COX7B2: variants seen among roughly 807,000 people sequenced by gnomAD.
COX7B2 encodes cytochrome c oxidase subunit 7B2, also known as cytochrome c oxidase subunit 7B2, mitochondrial.
For missense variants in COX7B2, 109 were observed against 95.9 expected, an observed-to-expected ratio of 1.14 and a Z score of -0.57; for synonymous variants, 37 against 32.1, an observed-to-expected ratio of 1.15 and a Z score of -0.51.
chr4:46,817,276 T>C (rs1467748662), intron 2 of COX7B2, among the ~76,000 whole-genome samples: 1 of 152,230 alleles, frequency 6.6e-6, no homozygotes, highest in Non-Finnish European at 1.5e-5. Context: ...CTAAGTTATT[T>C]GCATAAATTA....
chr4:46,843,517 AT>A (rs1328001329), intron 2 of COX7B2, among the ~76,000 whole-genome samples: 1 of 151,934 alleles, frequency 6.6e-6, no homozygotes, highest in Non-Finnish European at 1.5e-5. Context: ...CATTGCTCTG[AT>A]TTTTTTAATC....
chr4:46,767,945 G>A (rs1187159344), intron 2 of COX7B2, among the ~76,000 whole-genome samples: 2 of 152,246 alleles, frequency 1.3e-5, no homozygotes, highest in Non-Finnish European at 2.9e-5. Context: ...GGGGGAGCAT[G>A]CAGGTGAGCA....
intron 2 of COX7B2, among the ~76,000 whole-genome samples, chr4:46,796,989 G>A (rs1236629213): frequency 2.4e-5 from 2 of 82,406 alleles, no homozygotes; most frequent in African/African-American, 6.0e-5. Flanking sequence ...TATACCTAAT[G>A]CTAGATGACA....
At chr4:46,753,234 G>C (rs1715515238) in intron 2 of COX7B2, among the ~76,000 whole-genome samples, 1 of 152,072 alleles carries the variant, frequency 6.6e-6, no homozygotes, top group Non-Finnish European at 1.5e-5. Flanking sequence ...TCTGATGGTA[G>C]TTTGTATTTC....
intron 2 of COX7B2, among the ~76,000 whole-genome samples, chr4:46,812,247 G>A (rs1308656154): frequency 6.6e-6 from 1 of 152,064 alleles, no homozygotes; most frequent in African/African-American, 2.4e-5. Flanking sequence ...ACAAGAGAAT[G>A]CAATTCTCCC....
intron 2 of COX7B2, among the ~76,000 whole-genome samples, chr4:46,842,684 G>A (rs1335658816): frequency 2.0e-5 from 3 of 151,954 alleles, no homozygotes; most frequent in African/African-American, 4.8e-5. Context: ...AGTTTGCTGA[G>A]AATGATGGTT....
chr4:46,783,075 A>C (rs1428668762), intron 2 of COX7B2, among the ~76,000 whole-genome samples: 3 of 152,258 alleles, frequency 2.0e-5, no homozygotes, highest in Non-Finnish European at 4.4e-5. Flanking sequence ...ATTCTAAATG[A>C]AACTCCACTA....
At chr4:46,885,592 A>T (rs1247868652) in intron 1 of COX7B2, among the ~76,000 whole-genome samples, 1 of 152,152 alleles carries the variant, frequency 6.6e-6, no homozygotes, top group Non-Finnish European at 1.5e-5. Flanking sequence ...TCCATGTTTG[A>T]TATCAGATGC....
chr4:46,816,860 T>C (rs1028563033), intron 2 of COX7B2, among the ~76,000 whole-genome samples: 35 of 152,206 alleles, frequency 2.3e-4, no homozygotes, highest in African/African-American at 7.7e-4. Flanking sequence ...CGCTTACTGA[T>C]TGAGTCCTAC....
chr4:46,900,950 A>C (rs17459996), intron 1 of COX7B2, among the ~76,000 whole-genome samples: 4,929 of 152,298 alleles, frequency 0.032, 110 homozygotes, highest in Non-Finnish European at 0.051. Flanking sequence ...AAAACTCAAC[A>C]TAATGTGAAC....
At chr4:46,850,557 A>G (rs1016241858) in intron 1 of COX7B2, among the ~76,000 whole-genome samples, 4 of 152,152 alleles carry the variant, frequency 2.6e-5, no homozygotes, top group African/African-American at 4.8e-5. Flanking sequence ...TCCACTTCCT[A>G]AAAGTGTAAG....
chr4:46,901,750 T>C (rs1347551405), intron 1 of COX7B2, among the ~76,000 whole-genome samples: 2 of 152,306 alleles, frequency 1.3e-5, no homozygotes, highest in East Asian at 3.9e-4. Context: ...ACTCTCTCTC[T>C]CTTTAAGCTG....
chr4:46,832,736 TG>T (rs1715233478), intron 2 of COX7B2, among the ~76,000 whole-genome samples: 1 of 152,068 alleles, frequency 6.6e-6, no homozygotes, highest in Admixed American at 6.6e-5. Context: ...ACTTAAGATA[TG>T]GTTGTTCAAA....
intron 1 of COX7B2, among the ~76,000 whole-genome samples, chr4:46,888,544 C>T (rs563795640): frequency 2.6e-5 from 4 of 151,664 alleles, no homozygotes; most frequent in African/African-American, 9.7e-5. Flanking sequence ...CCCAGGTTCA[C>T]GCCATTCTCC....
At chr4:46,904,839 T>C (rs991370733) in intron 1 of COX7B2, among the ~76,000 whole-genome samples, 1 of 152,156 alleles carries the variant, frequency 6.6e-6, no homozygotes, top group Non-Finnish European at 1.5e-5. Flanking sequence ...TGTGTGAAGT[T>C]TGCTATCTTT....
intron 2 of COX7B2, among the ~76,000 whole-genome samples, chr4:46,824,131 C>G (rs958271913): frequency 6.6e-6 from 1 of 151,926 alleles, no homozygotes; most frequent in African/African-American, 2.4e-5. Context: ...AAACTGAATC[C>G]CTGAACAGAC....
intron 2 of COX7B2, among the ~76,000 whole-genome samples, chr4:46,840,633 C>A (rs533140140): frequency 2.0e-5 from 3 of 152,144 alleles, no homozygotes; most frequent in South Asian, 4.1e-4. Flanking sequence ...ACTTCTAATA[C>A]AACGTCTTTA....
intron 1 of COX7B2, among the ~76,000 whole-genome samples, chr4:46,895,035 G>A (rs1719664673): frequency 6.6e-6 from 1 of 152,200 alleles, no homozygotes; most frequent in South Asian, 2.1e-4. Flanking sequence ...AGCAACCGTT[G>A]GTGGTGGTGT....
chr4:46,784,651 A>G (rs1273267499), intron 2 of COX7B2, among the ~76,000 whole-genome samples: 2 of 152,202 alleles, frequency 1.3e-5, no homozygotes, highest in Non-Finnish European at 2.9e-5. Context: ...AGAAGCTTTA[A>G]TCAAGTAAAT....
Sources: allele counts gnomAD v4.1 joint callset (sites outside exome capture counted in the v4.1 genomes callset), GRCh38; gene constraint gnomAD v4.1.1; transcripts MANE v1.5; gene names NCBI Gene and HGNC (gene_info 2026-07-23, HGNC 2026-07-21).